The following CDKL4 variants were observed in gnomAD, a reference collection of about 807,000 sequenced individuals.
CDKL4 encodes cyclin-dependent kinase-like 4.
Under a neutral mutation model 42.0 loss-of-function variants are expected in CDKL4, and 44 were observed. The observed-to-expected ratio is 1.05, with a 90% CI of 0.82 to 1.35. The LOEUF is 1.35. Ranked by LOEUF, CDKL4 falls within the 40% of genes most tolerant of loss-of-function variation. The pLI is 0.00. For synonymous variants in CDKL4, 120 were observed against 121.6 expected (o/e 0.99, Z 0.09); for missense variants, 393 against 369.9 (o/e 1.06, Z -0.51).
intron 1 of CDKL4, among the ~76,000 whole-genome samples, chr2:39,241,269 T>C (rs946304266): frequency 4.6e-5 from 7 of 152,332 alleles, no homozygotes; most frequent in Middle Eastern, 3.4e-3. Flanking sequence ...ATGTGTTATA[T>C]ACACACTAAA....
downstream of CDKL4, among the ~76,000 whole-genome samples, chr2:39,173,819 A>C (rs1314310380): frequency 6.7e-6 from 1 of 150,298 alleles, no homozygotes; most frequent in African/African-American, 2.5e-5. Context: ...TCTCAAAAAA[A>C]AAAAAAAAAA....
chr2:39,178,282 T>C (rs976837470), intron 9 of CDKL4, among the ~76,000 whole-genome samples: 2 of 152,242 alleles, frequency 1.3e-5, no homozygotes, highest in African/African-American at 4.8e-5. Flanking sequence ...GACAACACTT[T>C]CTTCCTTTAC....
At chr2:39,172,495 G>A (rs781435076), downstream of CDKL4, among the ~76,000 whole-genome samples, 1 of 152,134 alleles carries the variant, frequency 6.6e-6, no homozygotes, top group African/African-American at 2.4e-5. Context: ...GGGGACCCTG[G>A]GCAACGCAGG....
chr2:39,221,512 C>T (rs1014110689), intron 3 of CDKL4, among the ~76,000 whole-genome samples: 1 of 152,148 alleles, frequency 6.6e-6, no homozygotes, highest in Non-Finnish European at 1.5e-5. Flanking sequence ...TAGATGAATG[C>T]TTTAAATTAA....
At chr2:39,174,225 C>T (rs115202652), downstream of CDKL4, among the ~76,000 whole-genome samples, 2,685 of 151,922 alleles carry the variant, frequency 0.018, 33 homozygotes, top group African/African-American at 0.029. Flanking sequence ...GGCAACATAA[C>T]GAGACCGTAT....
the CDKL4 span, among the ~76,000 whole-genome samples, chr2:39,168,936 T>A: frequency 6.6e-6 from 1 of 151,946 alleles, no homozygotes; most frequent in Non-Finnish European, 1.5e-5. Context: ...TTTGTATTTT[T>A]AGTAAAGACG....
chr2:39,190,972 G>A (rs1347660592), intron 5 of CDKL4, among the ~76,000 whole-genome samples: 1 of 152,150 alleles, frequency 6.6e-6, no homozygotes, highest in African/African-American at 2.4e-5. Context: ...AGATTAGGGT[G>A]GACTCTAAAT....
chr2:39,216,869 T>G (rs1308199624), intron 3 of CDKL4, among the ~76,000 whole-genome samples: 2 of 152,194 alleles, frequency 1.3e-5, no homozygotes, highest in Non-Finnish European at 2.9e-5. Flanking sequence ...TCATAGGATG[T>G]TAAAGATGAC....
intron 6 of CDKL4, 82 bp downstream of exon 6, chr2:39,190,223 T>G (rs1463346034): frequency 2.1e-6 from 2 of 956,990 alleles, no homozygotes; most frequent in African/African-American, 3.3e-5. Context: ...TTTTTTATTT[T>G]TATTTATTTA....
intron 1 of CDKL4, among the ~76,000 whole-genome samples, chr2:39,232,267 T>C (rs529858345): frequency 1.3e-5 from 2 of 152,292 alleles, no homozygotes; most frequent in South Asian, 4.2e-4. Flanking sequence ...AGCCCTACTA[T>C]ATGTTCATGG....
intron 1 of CDKL4, among the ~76,000 whole-genome samples, chr2:39,242,046 T>TC (rs1047991356): frequency 1.4e-5 from 2 of 144,704 alleles, no homozygotes; most frequent in African/African-American, 5.0e-5. Context: ...TCTTTTTCCT[T>TC]TTTTTTTTTT....
At chr2:39,175,508 A>G (rs1675128919), downstream of CDKL4, 1 of 152,850 alleles carries the variant, frequency 6.5e-6, no homozygotes, top group Non-Finnish European at 1.5e-5. Flanking sequence ...TTTCTACACC[A>G]ATATAAAAAC....
At chr2:39,243,889 G>C (rs895378253) in exon 1 of CDKL4, among the ~76,000 whole-genome samples, 1 of 152,264 alleles carries the variant, frequency 6.6e-6, no homozygotes. Context: ...CAGGGCGACG[G>C]TGACGAAGCT....
chr2:39,218,039 G>C (rs548622519), intron 3 of CDKL4, among the ~76,000 whole-genome samples: 1 of 151,924 alleles, frequency 6.6e-6, no homozygotes, highest in Admixed American at 6.6e-5. Flanking sequence ...GGCCCCCAAG[G>C]CTTATTTATA....
intron 7 of CDKL4, 56 bp from the exon 8 acceptor site, chr2:39,184,703 T>C: frequency 8.7e-7 from 1 of 1,146,240 alleles, no homozygotes; most frequent in Non-Finnish European, 1.3e-6. Flanking sequence ...AATATGTGTG[T>C]GTATATATGT....
At chr2:39,210,838 A>T (rs1467030314) in intron 4 of CDKL4, among the ~76,000 whole-genome samples, 1 of 152,176 alleles carries the variant, frequency 6.6e-6, no homozygotes, top group Non-Finnish European at 1.5e-5. Context: ...AAATAGGTTT[A>T]TGTATTTTGT....
chr2:39,246,734 C>T (rs1382097823), upstream of CDKL4, among the ~76,000 whole-genome samples: 1 of 152,094 alleles, frequency 6.6e-6, no homozygotes, highest in Non-Finnish European at 1.5e-5. Context: ...CAGAATTAGG[C>T]ACAACCTCTT....
At chr2:39,227,179 G>T (rs976279883) in intron 2 of CDKL4, among the ~76,000 whole-genome samples, 2 of 152,210 alleles carry the variant, frequency 1.3e-5, no homozygotes, top group Admixed American at 6.5e-5. Context: ...CAGGATACAT[G>T]ATCACTCTTA....
At chr2:39,179,864 C>G (rs1386889407) in intron 8 of CDKL4, among the ~76,000 whole-genome samples, 2 of 152,040 alleles carry the variant, frequency 1.3e-5, no homozygotes, top group African/African-American at 4.8e-5. Context: ...GAACCTAAAA[C>G]AAGGAAAAAT....
Sources: allele counts gnomAD v4.1 joint callset (sites outside exome capture counted in the v4.1 genomes callset), GRCh38; gene constraint gnomAD v4.1.1; transcripts MANE v1.5; gene names NCBI Gene and HGNC (gene_info 2026-07-23, HGNC 2026-07-21).